NR3C2: variants seen among roughly 807,000 people sequenced by gnomAD.
The protein encoded by NR3C2 is mineralocorticoid receptor.
In NR3C2, 15 loss-of-function variants were observed where a neutral mutation model predicts 86.4. That is an observed-to-expected ratio of 0.17 (90% CI 0.12 to 0.27). The LOEUF is 0.27. Among genes scored for constraint, NR3C2 ranks in the 10% least tolerant of loss-of-function variants. NR3C2 has a pLI of 1.00. For missense variants in NR3C2, 960 were observed against 1,195.6 expected, an observed-to-expected ratio of 0.80 and a Z score of 2.91; for synonymous variants, 458 against 450.5, an observed-to-expected ratio of 1.02 and a Z score of -0.21.
chr4:148,333,646 A>G (rs1375102507), intron 2 of NR3C2, among the ~76,000 whole-genome samples: 1 of 150,194 alleles, frequency 6.7e-6, no homozygotes, highest in East Asian at 2.0e-4. Flanking sequence ...AGGTTCTTCT[A>G]CATGAGAGAC....
chr4:148,380,283 G>A (rs1471839388), intron 2 of NR3C2, among the ~76,000 whole-genome samples: 1 of 152,152 alleles, frequency 6.6e-6, no homozygotes, highest in African/African-American at 2.4e-5. Flanking sequence ...GTTGTAGCAT[G>A]TATCAGTACT....
chr4:148,177,952 C>T (rs1047488977), intron 4 of NR3C2, among the ~76,000 whole-genome samples: 1 of 152,210 alleles, frequency 6.6e-6, no homozygotes, highest in Non-Finnish European at 1.5e-5. Context: ...TTTTTTAAAG[C>T]TTCCGAGATA....
chr4:148,085,780 A>T (rs1266768176), intron 8 of NR3C2, among the ~76,000 whole-genome samples: 1 of 152,208 alleles, frequency 6.6e-6, no homozygotes, highest in Non-Finnish European at 1.5e-5. Context: ...CAAACACAAT[A>T]AAAAATGATA....
intron 2 of NR3C2, among the ~76,000 whole-genome samples, chr4:148,304,196 T>G (rs901708687): frequency 6.6e-6 from 1 of 152,074 alleles, no homozygotes; most frequent in African/African-American, 2.4e-5. Flanking sequence ...TGTGGGACAC[T>G]CCCCTCGGAT....
chr4:148,206,012 G>A (rs1422938116), intron 3 of NR3C2, among the ~76,000 whole-genome samples: 1 of 152,158 alleles, frequency 6.6e-6, no homozygotes, highest in Non-Finnish European at 1.5e-5. Context: ...GACACAGTCT[G>A]GACATGAATC....
intron 3 of NR3C2, among the ~76,000 whole-genome samples, chr4:148,197,432 A>G (rs867181568): frequency 2.6e-5 from 4 of 152,334 alleles, no homozygotes; most frequent in Middle Eastern, 3.4e-3. Flanking sequence ...ATATGTTGCA[A>G]GGTCACGAAT....
chr4:148,086,882 C>T lies in NR3C2; in HGVS notation c.2800-5383G>A, dbSNP rs562903742. ...GAAAACCGGCACAATACAAGGATGC[C>T]CTCTCTCACTTCTATTCAACATAGT... is the stretch of plus-strand genomic sequence containing the variant. On this transcript the variant is annotated intron_variant, in intron 8 of 8. Coordinates refer to ENST00000358102, the MANE Select transcript of NR3C2 (RefSeq NM_000901.5). Among the ~76,000 whole-genome samples, 4 of 152,258 alleles carry T rather than the reference C, an allele frequency of 2.6e-5. No individual in the cohort carries two copies. In the East Asian group the frequency reaches 7.7e-4, roughly 29 times the overall value.
Position 148,435,987 on chromosome 4 carries a change from T to C in NR3C2, c.874A>G (p.Thr292Ala). The change falls in exon 2 of 9, where the codon ACT (threonine) becomes GCT (alanine). Residue 292 changes from threonine to alanine, a missense_variant. Around this residue, in one of 4 missense-constraint regions of NR3C2, gnomAD observed 680 missense variants for 719.0 expected, o/e 0.95. Coordinates refer to ENST00000358102, the MANE Select transcript of NR3C2 (RefSeq NM_000901.5). Reference sequence around the variant, plus strand: ...GGGCTAGACACAGAGGATCTCAGAGTGACATTATTGGGACTGGAGACTGGA... The same window carrying C: ...GGGCTAGACACAGAGGATCTCAGAGCGACATTATTGGGACTGGAGACTGGA... Reference protein sequence around the residue: ...KSPVSSPNNVTLRSSVSSPAN... With the variant: ...KSPVSSPNNVALRSSVSSPAN... 1 of 1,613,790 alleles carries C rather than the reference T, an allele frequency of 6.2e-7. No homozygotes were observed.
intron 3 of NR3C2, among the ~76,000 whole-genome samples, chr4:148,237,281 A>G (rs1200662421): frequency 6.6e-6 from 1 of 152,154 alleles, no homozygotes; most frequent in Admixed American, 6.5e-5. Context: ...AATATCAACA[A>G]TTTTGAGACT....
intron 2 of NR3C2, among the ~76,000 whole-genome samples, chr4:148,319,108 T>C (rs981517521): frequency 2.0e-5 from 3 of 151,746 alleles, no homozygotes; most frequent in Middle Eastern, 3.2e-3. Flanking sequence ...TAGCCAGTTT[T>C]CCCAGCACCA....
chr4:148,373,480 C>CTTTT (rs11377568), intron 2 of NR3C2, among the ~76,000 whole-genome samples: 2 of 129,808 alleles, frequency 1.5e-5, no homozygotes, highest in African/African-American at 3.1e-5. Context: ...CTTTTTTTTT[C>CTTTT]TTTTTTTTTT....
chr4:148,289,938 A>G (rs1198364221), intron 2 of NR3C2, among the ~76,000 whole-genome samples: 1 of 152,164 alleles, frequency 6.6e-6, no homozygotes, highest in Non-Finnish European at 1.5e-5. Context: ...CTCCAACCAC[A>G]GGAGCATGCT....
chr4:148,355,191 A>G (rs1745491240), intron 2 of NR3C2, among the ~76,000 whole-genome samples: 1 of 152,198 alleles, frequency 6.6e-6, no homozygotes, highest in Admixed American at 6.5e-5. Context: ...ATCTACTTAT[A>G]CATCAGGCTT....
At chr4:148,288,122 A>G (rs187421879) in intron 2 of NR3C2, among the ~76,000 whole-genome samples, 2 of 152,342 alleles carry the variant, frequency 1.3e-5, no homozygotes, top group East Asian at 3.9e-4. Flanking sequence ...GGTCCCATTG[A>G]TACCACGGTA....
At chr4:148,258,637 C>G (rs1158055737) in intron 3 of NR3C2, among the ~76,000 whole-genome samples, 1 of 152,180 alleles carries the variant, frequency 6.6e-6, no homozygotes, top group Non-Finnish European at 1.5e-5. Flanking sequence ...TTGCTAGGAA[C>G]AGAAAACCTC....
intron 8 of NR3C2, among the ~76,000 whole-genome samples, chr4:148,110,891 A>C (rs1024441388): frequency 6.6e-6 from 1 of 152,180 alleles, no homozygotes; most frequent in Non-Finnish European, 1.5e-5. Flanking sequence ...TAGTAATGCT[A>C]GAAGGAAACA....
intron 2 of NR3C2, among the ~76,000 whole-genome samples, chr4:148,272,247 C>T (rs549795631): frequency 2.6e-5 from 4 of 152,200 alleles, no homozygotes; most frequent in South Asian, 2.1e-4. Context: ...ATGACAATTC[C>T]GCATTACCTC....
At chr4:148,380,553 T>C (rs1262053046) in intron 2 of NR3C2, among the ~76,000 whole-genome samples, 1 of 152,222 alleles carries the variant, frequency 6.6e-6, no homozygotes, top group Non-Finnish European at 1.5e-5. Flanking sequence ...CCATTTTACA[T>C]TCCCACCAGC....
chr4:148,289,146 A>C (rs73855946), intron 2 of NR3C2, among the ~76,000 whole-genome samples: 2,559 of 152,158 alleles, frequency 0.017, 73 homozygotes, highest in African/African-American at 0.059. Flanking sequence ...AATAATTGTT[A>C]ATTTTCTTAG....
Sources: allele counts gnomAD v4.1 joint callset (sites outside exome capture counted in the v4.1 genomes callset), GRCh38; gene constraint gnomAD v4.1.1; regional missense constraint gnomAD v4.1.1; transcripts MANE v1.5; gene names NCBI Gene and HGNC (gene_info 2026-07-23, HGNC 2026-07-21).